The following SLC1A7 variants were observed in gnomAD, a reference collection of about 807,000 sequenced individuals.
The protein encoded by SLC1A7 is solute carrier family 1 member 7, also known as excitatory amino acid transporter 5.
In SLC1A7, 40 loss-of-function variants were observed where a neutral mutation model predicts 47.7. The ratio of observed to expected loss-of-function variants is 0.84; its 90% CI spans 0.65 to 1.09. The LOEUF (loss-of-function observed/expected upper bound fraction) is 1.09. Among genes scored for constraint, SLC1A7 ranks in the 50% least tolerant of loss-of-function variants. SLC1A7 has a pLI of 0.00. For missense variants in SLC1A7, 746 were observed against 769.5 expected, an observed-to-expected ratio of 0.97 and a Z score of 0.36; for synonymous variants, 323 against 325.6, an observed-to-expected ratio of 0.99 and a Z score of 0.09.
At chr1:53,109,691 A>C (rs1023258607) in intron 3 of SLC1A7, among the ~76,000 whole-genome samples, 1 of 152,282 alleles carries the variant, frequency 6.6e-6, no homozygotes, top group African/African-American at 2.4e-5. Flanking sequence ...GTTCTGGGCC[A>C]GGGCAAGGGT....
chr1:53,135,482 T>G (rs1239695088), intron 1 of SLC1A7, among the ~76,000 whole-genome samples: 1 of 152,218 alleles, frequency 6.6e-6, no homozygotes, highest in Non-Finnish European at 1.5e-5. Context: ...CAGCCCCCTT[T>G]GGCAGAGTTC....
In SLC1A7 at chr1:53,092,562, G is replaced by A. The variant is rs1264593280; in HGVS notation, c.1023C>T (p.Thr341=). 2.5e-6 allele frequency: 4 copies of A among 1,613,022 alleles called. No homozygotes were observed. The highest frequency in any genetic ancestry group is 3.3e-5 in the Admixed American group (2 of 60,008). ...CCCGTCCCCGGGGCTACCTGGAGGAGGTGGCCAGCGCGATGAGCAGAGCCT... is the reference window on the plus strand; with the variant it reads ...CCCGTCCCCGGGGCTACCTGGAGGAAGTGGCCAGCGCGATGAGCAGAGCCT... ...ILQALLIALA[T]SSSSATLPIT... is the part of the protein sequence containing the mutation. Residue 341 remains threonine (T), a synonymous_variant, in exon 7 of 11, where the codon ACC becomes ACT. Coordinates refer to ENST00000371494, the MANE Select transcript of SLC1A7 (RefSeq NM_006671.6).
intron 6 of SLC1A7, 108 bp downstream of exon 6, chr1:53,093,353 C>A (rs1182897000): frequency 2.8e-5 from 26 of 924,552 alleles, no homozygotes; most frequent in Non-Finnish European, 3.6e-5. Flanking sequence ...CAGGGCTGAG[C>A]CTGGGCACAG....
Position 53,088,150 on chromosome 1 carries a change from A to G in SLC1A7, c.1542T>C (p.Ser514=), listed in dbSNP as rs143026811. The G allele has an allele frequency of 5.0e-6, 8 of 1,612,848 alleles. No individual in the cohort carries two copies. The highest frequency in any genetic ancestry group is 4.0e-5 in the African/African-American group (3 of 74,746). ...GGGTGAGCTCGGAGGCCTCGGCTACACTCTTCACACAGCCATTCTGCTGGG... is the reference window on the plus strand; with the variant it reads ...GGGTGAGCTCGGAGGCCTCGGCTACGCTCTTCACACAGCCATTCTGCTGGG... ...VAAQQNGCVK[S]VAEASELTLG... Residue 514 remains serine (S), a synonymous_variant, in exon 11 of 11, where the codon AGT becomes AGC. Transcript: ENST00000371494.
At chr1:53,126,246 C>A (rs1679966) in intron 2 of SLC1A7, among the ~76,000 whole-genome samples, 120,901 of 152,182 alleles carry the variant, frequency 0.79, 48,687 homozygotes, top group Non-Finnish European at 0.86. Context: ...CTGGGCACAG[C>A]GGCTGGTGGA....
chr1:53,092,797 G>C lies in SLC1A7; in HGVS notation c.798-10C>G. The C allele has an allele frequency of 6.3e-7, 1 of 1,581,336 alleles. No homozygotes were observed. ...GCCGAAGGGGAAATACCTGGGGGCG[G>C]CGGGGCAGCCAGGCTCAGGAACCAG... is the stretch of plus-strand genomic sequence containing the variant. On this transcript the variant is annotated splice_polypyrimidine_tract_variant and intron_variant, in intron 6 of 10. Transcript: ENST00000371494.
At chr1:53,098,844 G>A (rs1176925773) in intron 5 of SLC1A7, among the ~76,000 whole-genome samples, 1 of 146,650 alleles carries the variant, frequency 6.8e-6, no homozygotes, top group Non-Finnish European at 1.5e-5. Flanking sequence ...CACCGCCTTG[G>A]TACACTTACA....
At chr1:53,141,337 G>A (rs1419668668) in intron 1 of SLC1A7, among the ~76,000 whole-genome samples, 1 of 151,886 alleles carries the variant, frequency 6.6e-6, no homozygotes, top group Non-Finnish European at 1.5e-5. Flanking sequence ...CTGCTCGCTG[G>A]CTATAAATCT....
At chr1:53,130,345 T>C (rs1225236100) in intron 2 of SLC1A7, among the ~76,000 whole-genome samples, 2 of 152,124 alleles carry the variant, frequency 1.3e-5, no homozygotes, top group Admixed American at 6.5e-5. Flanking sequence ...GTGACCAGCC[T>C]GGTTCCAGGG....
intron 3 of SLC1A7, among the ~76,000 whole-genome samples, chr1:53,113,587 T>C (rs529809124): frequency 6.6e-6 from 1 of 151,958 alleles, no homozygotes; most frequent in Non-Finnish European, 1.5e-5. Flanking sequence ...ATCTGCCCCC[T>C]TCCCCATCCC....
At chr1:53,133,047 GGA>G (rs1184587826) in intron 2 of SLC1A7, among the ~76,000 whole-genome samples, 2 of 152,148 alleles carry the variant, frequency 1.3e-5, no homozygotes, top group Admixed American at 6.5e-5. Context: ...TTGAGTAGAA[GGA>G]GAGAGACCAA....
At chr1:53,102,399 T>G (rs1490027019) in intron 5 of SLC1A7, 1 of 152,394 alleles carries the variant, frequency 6.6e-6, no homozygotes, top group Admixed American at 6.5e-5. Flanking sequence ...TCGAGTCTAG[T>G]GCTCACAGAG....
chr1:53,134,227 C>A, intron 2 of SLC1A7, 123 bp downstream of exon 2: 1 of 645,806 alleles, frequency 1.5e-6, no homozygotes. Context: ...AAAGGCCCCA[C>A]GGTCACACTC....
chr1:53,089,863 A>G lies in SLC1A7; in HGVS notation c.1298T>C (p.Val433Ala). 6.2e-7 allele frequency: 1 copy of G among 1,613,926 alleles called. No individual in the cohort carries two copies. The highest frequency in any genetic ancestry group is 8.5e-7 in the Non-Finnish European group (1 of 1,180,000). The change falls in exon 9 of 11, where the codon GTG becomes GCG. Residue 433 changes from valine to alanine, a missense_variant. Physicochemically the swap from Val to Ala is moderately conservative, Grantham distance 64. Coordinates refer to ENST00000371494, the MANE Select transcript of SLC1A7 (RefSeq NM_006671.6). The part of the protein sequence containing the change: ...PQAGLVTMVI[V>A]LTSVGLPTDD... ...GGTGGGCAGTCCCACGGAGGTGAGC[A>G]CGATGACCATGGTGACGAGGCCGGC...
At chr1:53,104,838 A>G (rs989346120) in intron 4 of SLC1A7, among the ~76,000 whole-genome samples, 3 of 152,222 alleles carry the variant, frequency 2.0e-5, no homozygotes, top group African/African-American at 7.2e-5. Context: ...TTAGAAAGGG[A>G]AAAAGAATTG....
chr1:53,123,080 G>A (rs1769304), intron 2 of SLC1A7, among the ~76,000 whole-genome samples: 150,045 of 152,256 alleles, frequency 0.99, 73,973 homozygotes, highest in Middle Eastern at 1. Flanking sequence ...ATCAAAAGCA[G>A]AAGCTGGAGG....
At chr1:53,126,286 C>A (rs1644881324) in intron 2 of SLC1A7, among the ~76,000 whole-genome samples, 1 of 152,228 alleles carries the variant, frequency 6.6e-6, no homozygotes, top group Admixed American at 6.5e-5. Flanking sequence ...TCTCGTGGCC[C>A]TCACCTGGGG....
chr1:53,140,037 C>A (rs1301122963), intron 1 of SLC1A7, among the ~76,000 whole-genome samples: 1 of 152,068 alleles, frequency 6.6e-6, no homozygotes, highest in East Asian at 1.9e-4. Context: ...ATGATTTTTG[C>A]CTGTTGCATA....
At chr1:53,090,428 C>G in intron 8 of SLC1A7, 184 bp downstream of exon 8, 1 of 970,248 alleles carries the variant, frequency 1.0e-6, no homozygotes, top group South Asian at 1.8e-5. Flanking sequence ...CGCCCTGTGG[C>G]CACCAGCAAT....
Sources: allele counts gnomAD v4.1 joint callset (sites outside exome capture counted in the v4.1 genomes callset), GRCh38; gene constraint gnomAD v4.1.1; transcripts MANE v1.5; gene names NCBI Gene and HGNC (gene_info 2026-07-23, HGNC 2026-07-21).